Variants in MFHAS1 observed in about 807,000 individuals in gnomAD.
MFHAS1 encodes multifunctional ROCO family signaling regulator 1.
Under a neutral mutation model 70.4 loss-of-function variants are expected in MFHAS1, and 50 were observed. The observed-to-expected ratio is 0.71, with a 90% CI of 0.57 to 0.90. The LOEUF is 0.90. Ranked by LOEUF, MFHAS1 falls within the 40% of genes least tolerant of loss-of-function variation. MFHAS1 has a pLI of 0.00. For synonymous variants in MFHAS1, 952 were observed against 620.0 expected, an observed-to-expected ratio of 1.54 and a Z score of -7.96; for missense variants, 1,795 against 1,347.6, an observed-to-expected ratio of 1.33 and a Z score of -5.20.
chr8:8,829,460 C>T (rs980563857), intron 1 of MFHAS1, among the ~76,000 whole-genome samples: 1 of 152,192 alleles, frequency 6.6e-6, no homozygotes, highest in Admixed American at 6.5e-5. Context: ...GTGGGTAGAT[C>T]ACTTGAGGTC....
At chr8:8,797,323 C>A in intron 2 of MFHAS1, 42 bp downstream of exon 2, 1 of 1,608,352 alleles carries the variant, frequency 6.2e-7, no homozygotes, top group Non-Finnish European at 8.5e-7. Flanking sequence ...GAGCTGGGAT[C>A]AGGAGCCAGG....
chr8:8,822,515 C>T (rs1195684386), intron 1 of MFHAS1, among the ~76,000 whole-genome samples: 1 of 136,684 alleles, frequency 7.3e-6, no homozygotes, highest in Non-Finnish European at 1.5e-5. Flanking sequence ...GAGATGGGGA[C>T]AGGGATCACG....
chr8:8,882,609 C>A lies in MFHAS1; in HGVS notation c.2998+7452G>T, dbSNP rs139877029. Among the ~76,000 whole-genome samples, 547 of 152,140 alleles carry A rather than the reference C, an allele frequency of 3.6e-3. 7 individuals are homozygous for A. Among genetic ancestry groups the A allele is most frequent in the African/African-American group, 0.013 (532 of 41,506 alleles). ...CCTGGGCGACAGAGTGAGACTCCATCTCAAAAAAATAAATAAAATAAAATA... is the reference window on the plus strand; with the variant it reads ...CCTGGGCGACAGAGTGAGACTCCATATCAAAAAAATAAATAAAATAAAATA... On this transcript the variant is annotated intron_variant, in intron 1 of 2. Coordinates refer to ENST00000276282, the MANE Select transcript of MFHAS1 (RefSeq NM_004225.3).
chr8:8,830,526 G>A (rs1807346669), intron 1 of MFHAS1, among the ~76,000 whole-genome samples: 4 of 152,064 alleles, frequency 2.6e-5, no homozygotes, highest in Admixed American at 2.6e-4. Context: ...GAGTTCTCTG[G>A]ACCAATTTTC....
intron 1 of MFHAS1, among the ~76,000 whole-genome samples, chr8:8,806,127 G>T (rs1010011660): frequency 3.3e-5 from 5 of 152,122 alleles, no homozygotes; most frequent in African/African-American, 1.2e-4. Context: ...TGCTTTCTCT[G>T]TTTCTAATAC....
intron 1 of MFHAS1, among the ~76,000 whole-genome samples, chr8:8,820,141 T>C (rs1296391681): frequency 2.6e-5 from 4 of 152,170 alleles, no homozygotes; most frequent in Non-Finnish European, 5.9e-5. Context: ...AAATTAACAG[T>C]GCTGGTTTGA....
At chr8:8,796,882 G>C (rs1347681684) in intron 2 of MFHAS1, among the ~76,000 whole-genome samples, 2 of 150,866 alleles carry the variant, frequency 1.3e-5, no homozygotes, top group African/African-American at 4.9e-5. Flanking sequence ...TGTAGTCCCA[G>C]CTACTCGGGA....
intron 1 of MFHAS1, among the ~76,000 whole-genome samples, chr8:8,872,813 C>G (rs181797330): frequency 6.6e-6 from 1 of 152,150 alleles, no homozygotes; most frequent in East Asian, 1.9e-4. Flanking sequence ...ATACAGTAAC[C>G]AGGGAAAAGC....
chr8:8,891,295 A>T lies in MFHAS1; in HGVS notation c.1764T>A (p.Ser588=). Residue 588 remains serine, a synonymous_variant, in exon 1 of 3, where the codon TCT becomes TCA. Coordinates refer to ENST00000276282, the MANE Select transcript of MFHAS1 (RefSeq NM_004225.3). The surrounding 1 kb of genome is among the most constrained non-coding windows in gnomAD (Gnocchi z 5.4). ...CATAGTAGGCTGCGTGGGGGCTGGC[A>T]GAGCGCAGCTCGAAGTCCCGGGCCA... ...EALARDFELR[S]ASPHAAYYGV... 6.2e-7 allele frequency: 1 copy of T among 1,611,678 alleles called. No homozygotes were observed. The highest frequency in any genetic ancestry group is 8.5e-7 in the Non-Finnish European group (1 of 1,180,016).
At chr8:8,887,420 C>T (rs986235616) in intron 1 of MFHAS1, among the ~76,000 whole-genome samples, 3 of 151,392 alleles carry the variant, frequency 2.0e-5, no homozygotes, top group South Asian at 2.1e-4. Flanking sequence ...CTTAATGTAA[C>T]GAGAAATGTA....
intron 1 of MFHAS1, among the ~76,000 whole-genome samples, chr8:8,813,481 G>C (rs1429742602): frequency 6.6e-6 from 1 of 152,208 alleles, no homozygotes; most frequent in Non-Finnish European, 1.5e-5. Flanking sequence ...AGTGCGACAA[G>C]ATGTGGAGGT....
chr8:8,891,715 T>G lies in MFHAS1; in HGVS notation c.1344A>C (p.Pro448=). ...CCTTGCTCACAGGGGGAGGTGACGG[T>G]GGGTAGCACTTCTCCTTGTCCCCTC... ...PGGGDKEKCY[P]PSPPPVSKGI... The change falls in exon 1 of 3, where the codon CCA becomes CCC. Residue 448 remains proline (P), a synonymous_variant. Transcript: ENST00000276282. The surrounding 1 kb of genome is among the most constrained non-coding windows in gnomAD (Gnocchi z 5.4). The G allele has an allele frequency of 6.2e-7, 1 of 1,613,234 alleles. No homozygotes were observed. Among genetic ancestry groups the G allele is most frequent in the Non-Finnish European group, 8.5e-7 (1 of 1,179,960 alleles).
intron 1 of MFHAS1, among the ~76,000 whole-genome samples, chr8:8,810,299 G>A (rs1166205963): frequency 6.6e-6 from 1 of 152,330 alleles, no homozygotes; most frequent in South Asian, 2.1e-4. Flanking sequence ...CTGGGAGGTG[G>A]AGGTTGCAGT....
intron 1 of MFHAS1, among the ~76,000 whole-genome samples, chr8:8,880,905 G>A (rs1029683527): frequency 1.3e-5 from 2 of 151,968 alleles, no homozygotes; most frequent in Admixed American, 6.6e-5. Context: ...ACCTGTTCTC[G>A]AACTCCTGAC....
intron 1 of MFHAS1, among the ~76,000 whole-genome samples, chr8:8,879,494 G>C (rs532720013): frequency 6.6e-6 from 1 of 152,028 alleles, no homozygotes; most frequent in Non-Finnish European, 1.5e-5. Flanking sequence ...GAGATTTCTC[G>C]CAAACAAGTA....
At position 8,832,486 on chromosome 8, in the gene MFHAS1, G is replaced by A. The variant is rs138624601; in HGVS notation, c.2999-34995C>T. On this transcript the variant is annotated intron_variant, in intron 1 of 2. Transcript: ENST00000276282. ...AGTAACCACAGAAATGGCACAATGA[G>A]CAAAGATGCTCATCATTAGCTATCA... Among the ~76,000 whole-genome samples the A allele has an allele frequency of 7.9e-5, 12 of 151,262 alleles. No individual in the cohort carries two copies. The East Asian group carries it at 2.3e-3, about 29-fold the overall frequency.
intron 1 of MFHAS1, among the ~76,000 whole-genome samples, chr8:8,829,512 C>T (rs940677398): frequency 6.6e-6 from 1 of 152,176 alleles, no homozygotes; most frequent in African/African-American, 2.4e-5. Context: ...GAAACCCCAT[C>T]TCTACTAAAA....
chr8:8,863,147 G>T (rs932038887), intron 1 of MFHAS1, among the ~76,000 whole-genome samples: 1 of 152,088 alleles, frequency 6.6e-6, no homozygotes, highest in Non-Finnish European at 1.5e-5. Flanking sequence ...AATCAATTGG[G>T]CATGTATGTG....
chr8:8,890,923 C>T lies in MFHAS1; in HGVS notation c.2136G>A (p.Lys712=). 1.2e-6 allele frequency: 2 copies of T among 1,614,112 alleles called. No homozygotes were observed. Among genetic ancestry groups the T allele is most frequent in the Non-Finnish European group, 1.7e-6 (2 of 1,180,030 alleles). Residue 712 remains lysine, a synonymous_variant, in exon 1 of 3, where the codon AAG becomes AAA. Transcript: ENST00000276282. Reference sequence around the variant, plus strand: ...CCGGACTGTCCTCAAAGTAGAGTAGCTTGCCGCTCTCATGCAGGTAGGAGA... The same window carrying T: ...CCGGACTGTCCTCAAAGTAGAGTAGTTTGCCGCTCTCATGCAGGTAGGAGA... ...SALSYLHESG[K]LLYFEDSPAL...
Sources: allele counts gnomAD v4.1 joint callset (sites outside exome capture counted in the v4.1 genomes callset), GRCh38; gene constraint gnomAD v4.1.1; non-coding constraint Gnocchi (gnomAD v3.1); transcripts MANE v1.5; gene names NCBI Gene and HGNC (gene_info 2026-07-23, HGNC 2026-07-21).